The following NDST4 variants were observed in gnomAD, a reference collection of about 807,000 sequenced individuals.
NDST4 encodes the protein N-heparan sulfate sulfotransferase 4.
A neutral mutation model predicts 100.8 loss-of-function variants in NDST4; 63 were observed. The ratio of observed to expected loss-of-function variants is 0.62; its 90% CI spans 0.51 to 0.77. The LOEUF (loss-of-function observed/expected upper bound fraction) is 0.77. NDST4 is among the 30% of genes least tolerant of loss of function. The pLI is 0.00. For missense variants in NDST4, 943 were observed against 1,018.4 expected, an observed-to-expected ratio of 0.93 and a Z score of 1.01; for synonymous variants, 377 against 361.8, an observed-to-expected ratio of 1.04 and a Z score of -0.48.
intron 4 of NDST4, among the ~76,000 whole-genome samples, chr4:114,944,751 G>T (rs1023579038): frequency 4.4e-5 from 6 of 135,730 alleles, no homozygotes; most frequent in African/African-American, 1.5e-4. Context: ...GTGCTCCTTT[G>T]TGAAGATAAC....
chr4:114,997,259 C>T (rs1727184941), intron 2 of NDST4, among the ~76,000 whole-genome samples: 1 of 151,980 alleles, frequency 6.6e-6, no homozygotes. Flanking sequence ...CAATGTTTTT[C>T]CAGATTATTT....
intron 2 of NDST4, among the ~76,000 whole-genome samples, chr4:115,057,401 A>G (rs1180232329): frequency 2.0e-5 from 3 of 151,970 alleles, no homozygotes; most frequent in African/African-American, 7.2e-5. Context: ...AAAAGGCAGA[A>G]TTCCGGGAAG....
chr4:114,956,997 T>A (rs1280063161), intron 4 of NDST4, among the ~76,000 whole-genome samples: 1 of 152,090 alleles, frequency 6.6e-6, no homozygotes, highest in Admixed American at 6.6e-5. Context: ...AAGACAAAGA[T>A]TTCAAATTTG....
At chr4:114,890,733 C>A (rs1724575260) in intron 6 of NDST4, among the ~76,000 whole-genome samples, 1 of 152,068 alleles carries the variant, frequency 6.6e-6, no homozygotes, top group Non-Finnish European at 1.5e-5. Flanking sequence ...TCGAGTGGTA[C>A]TCTCATTTGT....
chr4:114,892,844 A>G lies in NDST4; in HGVS notation c.1537-21894T>C, dbSNP rs1724629045. On this transcript the variant is annotated intron_variant, in intron 6 of 13. Coordinates refer to ENST00000264363, the MANE Select transcript of NDST4 (RefSeq NM_022569.3). ...AACATGCAATTTGTTACATTGGTGT[A>G]CATGTGCTTTGGTGGTTTGCTGTAC... Among the ~76,000 whole-genome samples the G allele has an allele frequency of 1.3e-5, 2 of 151,938 alleles. 1 individual carries two copies. The highest frequency in any genetic ancestry group is 4.1e-4 in the South Asian group (2 of 4,820).
chr4:114,896,622 CAAAAAA>C (rs34174566), intron 6 of NDST4, among the ~76,000 whole-genome samples: 1 of 103,884 alleles, frequency 9.6e-6, no homozygotes, highest in Non-Finnish European at 2.1e-5. Flanking sequence ...GACTCCGTCT[CAAAAAA>C]AAAAAAAAAA....
intron 10 of NDST4, 57 bp from the exon 11 acceptor site, chr4:114,839,605 G>T (rs1723384542): frequency 6.5e-7 from 1 of 1,538,216 alleles, no homozygotes. Flanking sequence ...GTGTAGATAT[G>T]CATATGTGTA....
In NDST4 at chr4:114,899,559, T is replaced by C. The variant is rs555106298; in HGVS notation, c.1537-28609A>G. On this transcript the variant is annotated intron_variant, in intron 6 of 13. Transcript: ENST00000264363. ...TTTTTTTTTAATCATGAATGGGAGA[T>C]GGATTTTTCCAAATTCTTTTATTTA... Among the ~76,000 whole-genome samples the C allele has an allele frequency of 9.2e-5, 14 of 152,142 alleles. No homozygotes were observed. In the East Asian group the frequency reaches 2.5e-3, roughly 27 times the overall value.
chr4:115,101,590 A>G (rs480693), intron 1 of NDST4, among the ~76,000 whole-genome samples: 112,269 of 151,980 alleles, frequency 0.74, 41,775 homozygotes, highest in African/African-American at 0.77. Flanking sequence ...AATACTATTT[A>G]TGAGTCAAGA....
intron 6 of NDST4, among the ~76,000 whole-genome samples, chr4:114,873,802 T>C (rs1052761374): frequency 6.6e-6 from 1 of 152,066 alleles, no homozygotes; most frequent in Admixed American, 6.6e-5. Flanking sequence ...ATAATTATGG[T>C]TTTCCAGGAC....
At chr4:114,843,553 T>C (rs1723477549) in intron 10 of NDST4, among the ~76,000 whole-genome samples, 1 of 152,200 alleles carries the variant, frequency 6.6e-6, no homozygotes, top group Non-Finnish European at 1.5e-5. Context: ...TAATTACTTC[T>C]TTTTTCACCA....
At position 114,850,224 on chromosome 4, in the gene NDST4, G is replaced by A. The variant is rs866880795; in HGVS notation, c.1817-1886C>T. ...TTTAGTTGTTGATTATCTAAATATA[G>A]ACACTTTATAGCCTCACTCAGTAAT... On this transcript the variant is annotated intron_variant, in intron 8 of 13. Transcript: ENST00000264363. Among the ~76,000 whole-genome samples, 7 of 152,126 alleles carry A rather than the reference G, an allele frequency of 4.6e-5. No homozygotes were observed. In the South Asian group the frequency reaches 1.2e-3, roughly 27 times the overall value.
chr4:115,056,336 C>T (rs548162587), intron 2 of NDST4, among the ~76,000 whole-genome samples: 102 of 152,200 alleles, frequency 6.7e-4, no homozygotes, highest in African/African-American at 2.4e-3. Flanking sequence ...GGGTGAGACC[C>T]TGTCTCAAAA....
chr4:115,110,381 T>C (rs1344276780), intron 1 of NDST4, among the ~76,000 whole-genome samples: 1 of 152,006 alleles, frequency 6.6e-6, no homozygotes, highest in Non-Finnish European at 1.5e-5. Context: ...ACCTGACCCA[T>C]TTATCTCACT....
intron 12 of NDST4, among the ~76,000 whole-genome samples, chr4:114,832,990 A>G (rs1723234275): frequency 6.6e-6 from 1 of 152,206 alleles, no homozygotes; most frequent in South Asian, 2.1e-4. Context: ...CAAGTCTTCC[A>G]GGCTGTGGCT....
intron 3 of NDST4, among the ~76,000 whole-genome samples, chr4:114,971,946 A>C (rs184824071): frequency 1.3e-5 from 2 of 152,186 alleles, no homozygotes; most frequent in Admixed American, 1.3e-4. Flanking sequence ...CCTGTTTTAC[A>C]GGGTCTTAGT....
chr4:115,007,788 C>CATTT (rs1458310134), intron 2 of NDST4, among the ~76,000 whole-genome samples: 2 of 129,360 alleles, frequency 1.5e-5, no homozygotes, highest in Admixed American at 1.6e-4. Context: ...CAGGTCCAAG[C>CATTT]ATTTCCCTTT....
chr4:115,012,010 G>GT (rs1485714572), intron 2 of NDST4, among the ~76,000 whole-genome samples: 2 of 151,904 alleles, frequency 1.3e-5, no homozygotes, highest in Non-Finnish European at 2.9e-5. Context: ...GTGTGTACGT[G>GT]TGATAGGAGT....
chr4:114,973,444 G>C (rs1219971100), intron 3 of NDST4, among the ~76,000 whole-genome samples: 1 of 151,772 alleles, frequency 6.6e-6, no homozygotes, highest in Non-Finnish European at 1.5e-5. Context: ...TAAAATATCT[G>C]TGCTCAAATT....
Sources: allele counts gnomAD v4.1 joint callset (sites outside exome capture counted in the v4.1 genomes callset), GRCh38; gene constraint gnomAD v4.1.1; transcripts MANE v1.5; gene names NCBI Gene and HGNC (gene_info 2026-07-23, HGNC 2026-07-21).